Variants in SAMD4A observed in about 807,000 individuals in gnomAD.
SAMD4A encodes the protein protein Smaug homolog 1.
Under a neutral mutation model 81.3 loss-of-function variants are expected in SAMD4A, and 33 were observed. The ratio of observed to expected loss-of-function variants is 0.41; its 90% CI spans 0.31 to 0.54. The LOEUF (loss-of-function observed/expected upper bound fraction) is 0.54. SAMD4A is among the 20% of genes least tolerant of loss of function. SAMD4A has a pLI of 0.37. For missense variants in SAMD4A, 854 were observed against 951.1 expected (o/e 0.90, Z 1.34); for synonymous variants, 389 against 382.1 (o/e 1.02, Z -0.21).
intron 2 of SAMD4A, among the ~76,000 whole-genome samples, chr14:54,676,009 A>C (rs1281987741): frequency 1.3e-5 from 2 of 152,212 alleles, no homozygotes; most frequent in South Asian, 4.1e-4. Context: ...CAGTTAATCT[A>C]TTCATCTGTG....
At chr14:54,778,009 C>T (rs929810515) in intron 11 of SAMD4A, among the ~76,000 whole-genome samples, 1 of 152,094 alleles carries the variant, frequency 6.6e-6, no homozygotes, top group African/African-American at 2.4e-5. Context: ...ATGTATAATC[C>T]ATTCCCAATA....
At chr14:54,599,917 T>C (rs1257130986) in intron 2 of SAMD4A, among the ~76,000 whole-genome samples, 13 of 152,186 alleles carry the variant, frequency 8.5e-5, no homozygotes. Flanking sequence ...TCATCTGAAA[T>C]AAAAATTTCG....
At chr14:54,602,504 T>C (rs1164295744) in intron 2 of SAMD4A, among the ~76,000 whole-genome samples, 1 of 152,066 alleles carries the variant, frequency 6.6e-6, no homozygotes, top group Non-Finnish European at 1.5e-5. Context: ...GAAGCTTTAT[T>C]GCAAGAATAT....
intron 2 of SAMD4A, among the ~76,000 whole-genome samples, chr14:54,607,205 G>A (rs973933868): frequency 1.3e-5 from 2 of 152,182 alleles, no homozygotes; most frequent in Admixed American, 6.5e-5. Flanking sequence ...TTCCTGATGC[G>A]TTGCTGGGGA....
intron 2 of SAMD4A, among the ~76,000 whole-genome samples, chr14:54,666,506 A>G (rs2035761102): frequency 6.6e-6 from 1 of 152,068 alleles, no homozygotes; most frequent in Non-Finnish European, 1.5e-5. Flanking sequence ...CGGTATTTTC[A>G]ATCTGTGTTT....
chr14:54,669,626 C>T (rs1201345713), intron 2 of SAMD4A, among the ~76,000 whole-genome samples: 7 of 151,794 alleles, frequency 4.6e-5, no homozygotes, highest in African/African-American at 1.7e-4. Context: ...GCCCGGCTAG[C>T]ACTCCTTTCT....
chr14:54,614,257 T>C (rs1011004206), intron 2 of SAMD4A, among the ~76,000 whole-genome samples: 6 of 152,240 alleles, frequency 3.9e-5, no homozygotes, highest in African/African-American at 1.4e-4. Context: ...TATGTTAACA[T>C]ATAATGGGGT....
chr14:54,776,195 T>TA (rs1176206985), intron 10 of SAMD4A, among the ~76,000 whole-genome samples: 1 of 151,936 alleles, frequency 6.6e-6, no homozygotes, highest in Non-Finnish European at 1.5e-5. Flanking sequence ...AGCTGAGGCT[T>TA]ACAGCAAGGC....
intron 2 of SAMD4A, among the ~76,000 whole-genome samples, chr14:54,631,732 G>A (rs2034907885): frequency 6.6e-6 from 1 of 152,106 alleles, no homozygotes; most frequent in African/African-American, 2.4e-5. Context: ...GGCTTGAGCT[G>A]TTTTCTTTTT....
chr14:54,606,989 G>A (rs1190002545), intron 2 of SAMD4A, among the ~76,000 whole-genome samples: 3 of 152,212 alleles, frequency 2.0e-5, no homozygotes, highest in African/African-American at 4.8e-5. Context: ...AGATTCTCAG[G>A]GAGTGGACTC....
chr14:54,587,786 C>T (rs1419468316), intron 2 of SAMD4A, among the ~76,000 whole-genome samples: 3 of 151,952 alleles, frequency 2.0e-5, no homozygotes, highest in African/African-American at 4.8e-5. Context: ...GGATTTGGTT[C>T]GCTAGTATTT....
At chr14:54,569,239 G>C (rs1034886227) in intron 2 of SAMD4A, among the ~76,000 whole-genome samples, 1 of 152,178 alleles carries the variant, frequency 6.6e-6, no homozygotes, top group African/African-American at 2.4e-5. Flanking sequence ...GGGCAGTGGG[G>C]CCTGGGAGAC....
At chr14:54,734,102 A>T (rs2037629648) in intron 3 of SAMD4A, among the ~76,000 whole-genome samples, 1 of 152,216 alleles carries the variant, frequency 6.6e-6, no homozygotes, top group South Asian at 2.1e-4. Flanking sequence ...CCATTGCCTA[A>T]ACCTGAAGAT....
rs368755461 is a variant in SAMD4A at position 54,764,518 on chromosome 14, T to C, written c.1574T>C (p.Ile525Thr). 13 of 1,611,992 alleles carry C rather than the reference T, an allele frequency of 8.1e-6. No individual in the cohort carries two copies. Among genetic ancestry groups the C allele is most frequent in the Non-Finnish European group, 1.0e-5 (12 of 1,178,588 alleles). Reference sequence around the variant, plus strand: ...AATATAAGTTCCTATTTACAGCTCATAGACAAGTGTCTAATTCATGAGGTG... The same window carrying C: ...AATATAAGTTCCTATTTACAGCTCACAGACAAGTGTCTAATTCATGAGGTG... ...EENISSYLQL[I>T]DKCLIHEAFT... Residue 525 changes from isoleucine (I) to threonine (T), a missense_variant, in exon 8 of 13, where the codon ATA becomes ACA. Coordinates refer to ENST00000554335, the MANE Select transcript of SAMD4A (RefSeq NM_015589.6).
At chr14:54,754,897 C>G in intron 6 of SAMD4A, 1 of 977,550 alleles carries the variant, frequency 1.0e-6, no homozygotes, top group East Asian at 1.1e-4. Flanking sequence ...GGAGATTAAC[C>G]GTGAGTCATA....
chr14:54,619,079 C>T (rs2034555891), intron 2 of SAMD4A, among the ~76,000 whole-genome samples: 1 of 151,848 alleles, frequency 6.6e-6, no homozygotes, highest in African/African-American at 2.4e-5. Context: ...AATGTGTAGA[C>T]AACTGCCATC....
intron 2 of SAMD4A, among the ~76,000 whole-genome samples, chr14:54,672,397 A>G (rs1163384041): frequency 6.6e-6 from 1 of 152,092 alleles, no homozygotes; most frequent in African/African-American, 2.4e-5. Flanking sequence ...TCATCTGCAG[A>G]CGTCTCACTT....
chr14:54,692,307 TC>T (rs2036461414), intron 2 of SAMD4A, among the ~76,000 whole-genome samples: 1 of 152,236 alleles, frequency 6.6e-6, no homozygotes, highest in African/African-American at 2.4e-5. Context: ...TGGCTGTTGT[TC>T]CGTTTGCTCC....
At chr14:54,682,708 G>A (rs2036156437) in intron 2 of SAMD4A, among the ~76,000 whole-genome samples, 1 of 152,146 alleles carries the variant, frequency 6.6e-6, no homozygotes, top group Non-Finnish European at 1.5e-5. Flanking sequence ...CCTCAAAACA[G>A]TAAAAAGATA....
Sources: gnomAD v4.1 joint callset for allele counts (sites outside exome capture counted in the v4.1 genomes callset) on GRCh38, gnomAD v4.1.1 for gene constraint, MANE v1.5 for transcripts, NCBI Gene and HGNC (gene_info 2026-07-23, HGNC 2026-07-21) for gene names.